The following FHIT variants were observed in gnomAD, a reference collection of about 807,000 sequenced individuals.
FHIT encodes fragile histidine triad diadenosine triphosphatase.
A neutral mutation model predicts 17.9 loss-of-function variants in FHIT; 19 were observed. The ratio of observed to expected loss-of-function variants is 1.06; its 90% CI spans 0.74 to 1.56. The LOEUF (loss-of-function observed/expected upper bound fraction) is 1.56. Ranked by LOEUF, FHIT falls within the 40% of genes most tolerant of loss-of-function variation. FHIT has a pLI of 0.00. For synonymous variants in FHIT, 81 were observed against 69.7 expected (o/e 1.16, Z -0.81); for missense variants, 248 against 189.2 (o/e 1.31, Z -1.82).
chr3:60,415,467 C>A (rs1702212740), intron 5 of FHIT, among the ~76,000 whole-genome samples: 1 of 152,014 alleles, frequency 6.6e-6, no homozygotes, highest in Non-Finnish European at 1.5e-5. Flanking sequence ...TTCCTGGCAA[C>A]CACAGCTTCT....
chr3:60,925,701 C>T (rs1707560741), intron 3 of FHIT, among the ~76,000 whole-genome samples: 1 of 152,156 alleles, frequency 6.6e-6, no homozygotes, highest in African/African-American at 2.4e-5. Flanking sequence ...ATCAAATTCA[C>T]ACATAACAAT....
chr3:60,136,213 AGAG>A (rs1393418970), intron 5 of FHIT, among the ~76,000 whole-genome samples: 8 of 152,136 alleles, frequency 5.3e-5, no homozygotes, highest in East Asian at 3.9e-4. Flanking sequence ...CAACACAAGG[AGAG>A]GAGAAGAGGG....
intron 5 of FHIT, among the ~76,000 whole-genome samples, chr3:60,063,584 C>G (rs1199413970): frequency 6.6e-6 from 1 of 152,036 alleles, no homozygotes; most frequent in African/African-American, 2.4e-5. Flanking sequence ...GAAAGATAAG[C>G]AAATTAAATT....
At chr3:60,394,301 A>G (rs1350956411) in intron 5 of FHIT, among the ~76,000 whole-genome samples, 1 of 152,110 alleles carries the variant, frequency 6.6e-6, no homozygotes, top group Non-Finnish European at 1.5e-5. Flanking sequence ...AAACAGATCA[A>G]CCCACTCTCT....
intron 5 of FHIT, among the ~76,000 whole-genome samples, chr3:60,471,915 TA>T (rs2033106807): frequency 6.6e-6 from 1 of 152,098 alleles, no homozygotes; most frequent in Admixed American, 6.5e-5. Flanking sequence ...ATATTTCAAA[TA>T]AAGAGATTAG....
intron 7 of FHIT, among the ~76,000 whole-genome samples, chr3:59,942,673 C>G (rs1235899423): frequency 6.6e-6 from 1 of 151,994 alleles, no homozygotes; most frequent in Non-Finnish European, 1.5e-5. Context: ...TTTAGAGACA[C>G]GGTCTTGCTC....
chr3:60,341,597 A>AT (rs377005811), intron 5 of FHIT, among the ~76,000 whole-genome samples: 22 of 149,614 alleles, frequency 1.5e-4, no homozygotes, highest in African/African-American at 2.5e-4. Flanking sequence ...CTCCCTCTTG[A>AT]TTTTTTTTTT....
intron 5 of FHIT, among the ~76,000 whole-genome samples, chr3:60,286,788 C>A (rs1021301070): frequency 6.6e-6 from 1 of 152,132 alleles, no homozygotes; most frequent in African/African-American, 2.4e-5. Context: ...TTTAATGTCA[C>A]TGAAAGGTCA....
intron 8 of FHIT, among the ~76,000 whole-genome samples, chr3:59,911,276 GAC>G (rs1178242159): frequency 6.6e-6 from 1 of 152,062 alleles, no homozygotes; most frequent in African/African-American, 2.4e-5. Flanking sequence ...AAGTTTTATA[GAC>G]ACACACTCAC....
intron 5 of FHIT, among the ~76,000 whole-genome samples, chr3:60,037,754 C>A (rs372051264): frequency 1.3e-5 from 2 of 151,112 alleles, no homozygotes; most frequent in African/African-American, 4.9e-5. Context: ...TGCTCTGTCA[C>A]CCAGGCTGGA....
intron 8 of FHIT, among the ~76,000 whole-genome samples, chr3:59,816,309 A>G: frequency 6.6e-6 from 1 of 152,220 alleles, no homozygotes; most frequent in South Asian, 2.1e-4. Context: ...CACATATGTC[A>G]TCTTCAATAT....
chr3:61,116,426 T>G (rs1264460615), intron 2 of FHIT, among the ~76,000 whole-genome samples: 3 of 152,128 alleles, frequency 2.0e-5, no homozygotes, highest in African/African-American at 4.8e-5. Flanking sequence ...AGGGTTGAAC[T>G]CATTAACTAA....
At chr3:59,863,880 C>T (rs980759499) in intron 8 of FHIT, among the ~76,000 whole-genome samples, 1 of 152,212 alleles carries the variant, frequency 6.6e-6, no homozygotes, top group Non-Finnish European at 1.5e-5. Context: ...GAGCCATCAA[C>T]AAATATTTCT....
chr3:60,852,431 C>G lies in FHIT; in HGVS notation c.-110-30420G>C, dbSNP rs571583053. On this transcript the variant is annotated intron_variant, in intron 3 of 9. Coordinates refer to ENST00000492590, the MANE Select transcript of FHIT (RefSeq NM_002012.4). ...TACTGATTCTGTTTCTCTGGAGAAC[C>G]CTGACTAATACAAATATTAAACCCA... is the stretch of plus-strand genomic sequence containing the variant. 4.6e-5 allele frequency among the ~76,000 whole-genome samples: 7 copies of G among 152,158 alleles called. No homozygotes were observed. The South Asian group carries it at 1.5e-3, about 32-fold the overall frequency.
chr3:59,749,031 G>A lies in FHIT; in HGVS notation c.*554C>T, dbSNP rs544229868. 2.6e-5 allele frequency among the ~76,000 whole-genome samples: 4 copies of A among 152,142 alleles called. No individual in the cohort carries two copies. Among genetic ancestry groups the A allele is most frequent in the Non-Finnish European group, 5.9e-5 (4 of 68,022 alleles). ...AGCTTGCTGCTGAGGGAATAATCAC[G>A]AAAGCTGGAGAAGGCCAAGTCTATC... On this transcript the variant is annotated 3_prime_UTR_variant, in exon 10 of 10. Coordinates refer to ENST00000492590, the MANE Select transcript of FHIT (RefSeq NM_002012.4).
chr3:59,769,776 T>C (rs1366287811), intron 8 of FHIT, among the ~76,000 whole-genome samples: 1 of 151,966 alleles, frequency 6.6e-6, no homozygotes, highest in African/African-American at 2.4e-5. Flanking sequence ...ATAATTACTT[T>C]GGTTTCAAAA....
intron 4 of FHIT, among the ~76,000 whole-genome samples, chr3:60,564,709 T>C (rs1039881687): frequency 8.5e-5 from 13 of 152,166 alleles, no homozygotes; most frequent in Non-Finnish European, 1.5e-4. Context: ...TGTAATCTCA[T>C]GATCAAACTT....
intron 5 of FHIT, among the ~76,000 whole-genome samples, chr3:60,059,383 G>T (rs1702213068): frequency 6.6e-6 from 1 of 152,146 alleles, no homozygotes; most frequent in Admixed American, 6.5e-5. Flanking sequence ...CATGTTAGCA[G>T]GCCACACACA....
At chr3:59,904,602 C>A (rs1335038666) in intron 8 of FHIT, among the ~76,000 whole-genome samples, 1 of 152,170 alleles carries the variant, frequency 6.6e-6, no homozygotes, top group Non-Finnish European at 1.5e-5. Flanking sequence ...CCTTGCTTGG[C>A]CATGCTGGTG....
Sources: allele counts gnomAD v4.1 joint callset (sites outside exome capture counted in the v4.1 genomes callset), GRCh38; gene constraint gnomAD v4.1.1; transcripts MANE v1.5; gene names NCBI Gene and HGNC (gene_info 2026-07-23, HGNC 2026-07-21).